The following SLC38A8 variants were observed in gnomAD, a reference collection of about 807,000 sequenced individuals.
The protein encoded by SLC38A8 is amino acid transporter SLC38A8.
Under a neutral mutation model 46.0 loss-of-function variants are expected in SLC38A8, and 65 were observed. The observed-to-expected ratio is 1.41, with a 90% CI of 1.16 to 1.74. SLC38A8 has a LOEUF of 1.74. SLC38A8 is among the 40% of genes most tolerant of loss of function. The pLI, the probability that SLC38A8 is intolerant of heterozygous loss-of-function variation, is 0.00. For synonymous variants in SLC38A8, 447 were observed against 243.7 expected, an observed-to-expected ratio of 1.83 and a Z score of -7.77; for missense variants, 998 against 567.9, an observed-to-expected ratio of 1.76 and a Z score of -7.70.
intron 5 of SLC38A8, among the ~76,000 whole-genome samples, chr16:84,030,060 G>T (rs1331257305): frequency 6.6e-6 from 1 of 152,216 alleles, no homozygotes; most frequent in Non-Finnish European, 1.5e-5. Flanking sequence ...ATTACTGAAA[G>T]TAAGATGAAG....
intron 3 of SLC38A8, among the ~76,000 whole-genome samples, chr16:84,036,029 T>C (rs973885696): frequency 5.3e-5 from 8 of 152,294 alleles, no homozygotes; most frequent in Admixed American, 2.6e-4. Flanking sequence ...AGACAGACCA[T>C]GTGCTGGACT....
intron 9 of SLC38A8, among the ~76,000 whole-genome samples, chr16:84,013,778 G>A (rs2084987994): frequency 6.7e-6 from 1 of 150,226 alleles, no homozygotes; most frequent in African/African-American, 2.5e-5. Flanking sequence ...GGGCCATGTA[G>A]CTTGGCCTAA....
chr16:84,027,147 C>G (rs1401720152), intron 6 of SLC38A8, among the ~76,000 whole-genome samples: 1 of 152,090 alleles, frequency 6.6e-6, no homozygotes. Context: ...GTTAAGAGAT[C>G]GAGACCAGCC....
chr16:84,029,082 G>A (rs765785967), intron 6 of SLC38A8, among the ~76,000 whole-genome samples: 18 of 152,134 alleles, frequency 1.2e-4, no homozygotes, highest in Admixed American at 3.9e-4. Flanking sequence ...CCAAGGCCCT[G>A]GGCAGAGTCC....
Position 84,009,859 on chromosome 16 carries a change from C to G in SLC38A8, c.1233G>C (p.Trp411Cys), listed in dbSNP as rs1440713570. The G allele has an allele frequency of 2.5e-6, 4 of 1,613,948 alleles. No individual in the cohort carries two copies. The highest frequency in any genetic ancestry group is 1.1e-5 in the South Asian group (1 of 91,050). Residue 411 changes from tryptophan (W) to cysteine (C), a missense_variant, in exon 11 of 11, where the codon TGG (tryptophan) becomes TGC (cysteine). Coordinates refer to ENST00000299709, the MANE Select transcript of SLC38A8 (RefSeq NM_001080442.3). ...TGCCGACCAGCACAGAGACCACTCC[C>G]CAGACCTCCAGGCAGCACCTGCCAA... Reference protein sequence around the residue: ...GPRVKCCLEVWGVVSVLVGTF... With the variant: ...GPRVKCCLEVCGVVSVLVGTF...
chr16:84,018,836 G>A (rs1337966192), intron 7 of SLC38A8, among the ~76,000 whole-genome samples: 1 of 152,188 alleles, frequency 6.6e-6, no homozygotes, highest in Admixed American at 6.5e-5. Flanking sequence ...GGTCGGGGCA[G>A]TGAATTTCTA....
At chr16:84,024,189 C>G (rs953967031) in intron 6 of SLC38A8, among the ~76,000 whole-genome samples, 3 of 152,158 alleles carry the variant, frequency 2.0e-5, no homozygotes, top group Admixed American at 6.5e-5. Context: ...GCAAACCCCA[C>G]TCTGTGGTGC....
At chr16:84,013,422 G>GTTTTTTGTTGTTGT (rs369454720) in intron 9 of SLC38A8, among the ~76,000 whole-genome samples, 4 of 108,720 alleles carry the variant, frequency 3.7e-5, no homozygotes, top group African/African-American at 1.6e-4. Context: ...TGTTGTGTGT[G>GTTTTTTGTTGTTGT]TGTTTTTTTT....
At chr16:84,037,064 C>T (rs1306670237) in intron 2 of SLC38A8, among the ~76,000 whole-genome samples, 164 bp from the exon 3 acceptor site, 4 of 152,138 alleles carry the variant, frequency 2.6e-5, no homozygotes, top group Non-Finnish European at 4.4e-5. Flanking sequence ...CTGCACACAC[C>T]CCCACCCCAC....
intron 7 of SLC38A8, among the ~76,000 whole-genome samples, chr16:84,018,281 G>C (rs965478714): frequency 7.3e-6 from 1 of 136,278 alleles, no homozygotes; most frequent in Non-Finnish European, 1.5e-5. Context: ...CGCCCAGGCT[G>C]GAGTGCAGTG....
At chr16:84,013,435 T>TTGTTTTTTTTTTTTGTTG (rs1301467007) in intron 9 of SLC38A8, among the ~76,000 whole-genome samples, 2 of 130,696 alleles carry the variant, frequency 1.5e-5, no homozygotes, top group Admixed American at 7.5e-5. Context: ...TTTTTTTTTT[T>TTGTTTTTTTTTTTTGTTG]TTTTTTTTTT....
At chr16:84,019,092 T>C (rs1001225005) in intron 7 of SLC38A8, among the ~76,000 whole-genome samples, 2 of 152,080 alleles carry the variant, frequency 1.3e-5, no homozygotes, top group African/African-American at 4.8e-5. Context: ...AAATTTTTTT[T>C]TTTTTTGAGA....
intron 10 of SLC38A8, among the ~76,000 whole-genome samples, chr16:84,011,857 C>T (rs527560500): frequency 2.0e-5 from 3 of 152,184 alleles, no homozygotes; most frequent in South Asian, 2.1e-4. Flanking sequence ...GCACTCCAGC[C>T]GGAGCAACAG....
chr16:84,017,805 C>T (rs918939228), intron 7 of SLC38A8, among the ~76,000 whole-genome samples: 1 of 152,154 alleles, frequency 6.6e-6, no homozygotes, highest in African/African-American at 2.4e-5. Flanking sequence ...GGTTGCCTGC[C>T]CTGTCCTGAG....
chr16:84,014,264 G>A (rs182649983), intron 9 of SLC38A8, among the ~76,000 whole-genome samples: 192 of 150,796 alleles, frequency 1.3e-3, no homozygotes, highest in African/African-American at 4.5e-3. Context: ...GAAGCCACAA[G>A]GCCACACCCC....
chr16:84,036,923 G>A (rs1323047610), intron 2 of SLC38A8, 23 bp from the exon 3 acceptor site: 1 of 1,592,120 alleles, frequency 6.3e-7, no homozygotes, highest in Non-Finnish European at 8.5e-7. Context: ...AGCAGGACCT[G>A]GAACTGGGGT....
chr16:84,010,706 T>C (rs2084942649), intron 10 of SLC38A8, among the ~76,000 whole-genome samples: 1 of 152,104 alleles, frequency 6.6e-6, no homozygotes, highest in African/African-American at 2.4e-5. Flanking sequence ...ATTGCACCAC[T>C]GCACTCCAGC....
At chr16:84,032,421 T>C (rs576917084) in intron 4 of SLC38A8, among the ~76,000 whole-genome samples, 1 of 152,336 alleles carries the variant, frequency 6.6e-6, no homozygotes, top group Non-Finnish European at 1.5e-5. Flanking sequence ...ACTGCTGACC[T>C]CGTGATCTGC....
intron 3 of SLC38A8, among the ~76,000 whole-genome samples, chr16:84,034,056 G>A (rs1011695869): frequency 6.6e-6 from 1 of 152,190 alleles, no homozygotes; most frequent in African/African-American, 2.4e-5. Flanking sequence ...GGCTGGCAGT[G>A]GGGCTGGTCT....
Sources: allele counts gnomAD v4.1 joint callset (sites outside exome capture counted in the v4.1 genomes callset), GRCh38; gene constraint gnomAD v4.1.1; transcripts MANE v1.5; gene names NCBI Gene and HGNC (gene_info 2026-07-23, HGNC 2026-07-21).